Variants in STN1 observed in about 807,000 individuals in gnomAD.
STN1 encodes STN1 subunit of CST complex, also known as CST complex subunit STN1.
Under a neutral mutation model 45.5 loss-of-function variants are expected in STN1, and 29 were observed. The observed-to-expected ratio is 0.64, with a 90% CI of 0.47 to 0.87. The LOEUF (loss-of-function observed/expected upper bound fraction) is 0.87, where lower values mean the gene tolerates loss of function less well. STN1 is among the 40% of genes least tolerant of loss of function. The pLI is 0.00. For missense variants in STN1, 376 were observed against 441.4 expected, an observed-to-expected ratio of 0.85 and a Z score of 1.33; for synonymous variants, 148 against 159.0, an observed-to-expected ratio of 0.93 and a Z score of 0.52.
In STN1 at chr10:103,881,183, T is replaced by C. The variant is rs534069772; in HGVS notation, c.*1501A>G. Among the ~76,000 whole-genome samples, 98 of 152,358 alleles carry C rather than the reference T, an allele frequency of 6.4e-4. No homozygotes were observed. The highest frequency in any genetic ancestry group is 3.3e-3 in the South Asian group (16 of 4,832). On this transcript the variant is annotated 3_prime_UTR_variant, in exon 10 of 10. Coordinates refer to ENST00000224950, the MANE Select transcript of STN1 (RefSeq NM_024928.5). ...TTCCCCAATATAGAATTCTAGATTATACAGCAATGAACACCTTGTGCAACC... is the reference window on the plus strand; with the variant it reads ...TTCCCCAATATAGAATTCTAGATTACACAGCAATGAACACCTTGTGCAACC...
chr10:103,910,251 C>T (rs1843280866), intron 3 of STN1, among the ~76,000 whole-genome samples: 1 of 152,184 alleles, frequency 6.6e-6, no homozygotes, highest in East Asian at 1.9e-4. Flanking sequence ...CCCTGCCCGT[C>T]CATCGATGCT....
intron 2 of STN1, among the ~76,000 whole-genome samples, chr10:103,911,853 C>G (rs1843293984): frequency 6.6e-6 from 1 of 152,160 alleles, no homozygotes; most frequent in South Asian, 2.1e-4. Flanking sequence ...GCTGATGGCT[C>G]TGTTTCCCTT....
chr10:103,885,605 A>G (rs1168313927), intron 9 of STN1, among the ~76,000 whole-genome samples: 1 of 152,108 alleles, frequency 6.6e-6, no homozygotes, highest in Non-Finnish European at 1.5e-5. Context: ...GGGTCTTGCT[A>G]TGTTGCCCAG....
At chr10:103,897,290 C>A (rs893199576) in intron 7 of STN1, among the ~76,000 whole-genome samples, 4 of 149,126 alleles carry the variant, frequency 2.7e-5, no homozygotes, top group Non-Finnish European at 4.4e-5. Flanking sequence ...CCAGCCTGGG[C>A]GACAGAGTGA....
At chr10:103,905,807 T>G (rs535001503) in intron 3 of STN1, among the ~76,000 whole-genome samples, 1 of 152,296 alleles carries the variant, frequency 6.6e-6, no homozygotes, top group South Asian at 2.1e-4. Flanking sequence ...ACAAAAACAG[T>G]ACTAGTCTGG....
chr10:103,888,124 C>A (rs925042249), intron 9 of STN1, among the ~76,000 whole-genome samples: 1 of 152,210 alleles, frequency 6.6e-6, no homozygotes, highest in Non-Finnish European at 1.5e-5. Flanking sequence ...TCACACCACT[C>A]TGGGATCCGA....
chr10:103,912,948 T>C (rs1278445038), intron 2 of STN1, among the ~76,000 whole-genome samples: 1 of 152,218 alleles, frequency 6.6e-6, no homozygotes, highest in Admixed American at 6.5e-5. Context: ...CAGAGCTGTT[T>C]GGACCCACAG....
chr10:103,912,990 C>T (rs1170028576), intron 2 of STN1, among the ~76,000 whole-genome samples: 1 of 152,206 alleles, frequency 6.6e-6, no homozygotes, highest in Non-Finnish European at 1.5e-5. Context: ...AAATGTCTTT[C>T]CAGTTGGTTG....
intron 3 of STN1, among the ~76,000 whole-genome samples, chr10:103,909,436 A>ATATATGTATATATATATG (rs1564635041): frequency 4.0e-5 from 2 of 49,844 alleles, no homozygotes; most frequent in East Asian, 8.6e-4. Context: ...ATATATATGT[A>ATATATGTATATATATATG]TATATATGTA....
intron 2 of STN1, among the ~76,000 whole-genome samples, chr10:103,914,366 A>ATTTT (rs1437836812): frequency 6.8e-4 from 7 of 10,370 alleles, no homozygotes; most frequent in African/African-American, 1.6e-3. Context: ...ATATATATAT[A>ATTTT]TATATATATT....
At position 103,891,344 on chromosome 10, in the gene STN1, G is replaced by A. The variant is rs1476724186; in HGVS notation, c.876+786C>T. ...GATTTATAACTACTAATGTGGAAAG[G>A]TGCCTGTCATGTGTTATCTTGGTAC... On this transcript the variant is annotated intron_variant, in intron 8 of 9. Coordinates refer to ENST00000224950, the MANE Select transcript of STN1 (RefSeq NM_024928.5). Among the ~76,000 whole-genome samples the A allele has an allele frequency of 5.3e-5, 8 of 152,286 alleles. No homozygotes were observed. The East Asian group carries it at 5.8e-4, about 11-fold the overall frequency.
In STN1 at chr10:103,900,182, G is replaced by C; in HGVS notation, c.337C>G (p.Leu113Val). 1 of 1,614,160 alleles carries C rather than the reference G, an allele frequency of 6.2e-7. No homozygotes were observed. Among genetic ancestry groups the C allele is most frequent in the African/African-American group, 1.3e-5 (1 of 75,046 alleles). ...AARELSLTSQ[L>V]KKLQETIEQK... Reference sequence around the variant, plus strand: ...TCAATGGTCTCTTGTAGCTTCTTAAGTTGTGAGGTTAAGCTGAGCTCTCTT... The same window carrying C: ...TCAATGGTCTCTTGTAGCTTCTTAACTTGTGAGGTTAAGCTGAGCTCTCTT... Residue 113 changes from leucine (L) to valine (V), a missense_variant, in exon 5 of 10, where the codon CTT becomes GTT. Physicochemically the swap from Leu to Val is conservative, Grantham distance 32. Transcript: ENST00000224950.
intron 2 of STN1, 22 bp downstream of exon 2, chr10:103,917,440 C>T (rs201269941): frequency 2.2e-4 from 360 of 1,609,142 alleles, no homozygotes; most frequent in Middle Eastern, 1.8e-4. Context: ...CCCAGGGCAT[C>T]CCAGGGTGGC....
intron 5 of STN1, among the ~76,000 whole-genome samples, chr10:103,899,543 T>A (rs1408969135): frequency 2.0e-5 from 3 of 151,726 alleles, no homozygotes; most frequent in Non-Finnish European, 2.9e-5. Flanking sequence ...AAAAATTAGC[T>A]GGGTGTGGTG....
In STN1 at chr10:103,878,315, A is replaced by G. The variant is rs1171679079; in HGVS notation, c.*4369T>C. On this transcript the variant is annotated 3_prime_UTR_variant, in exon 10 of 10. Coordinates refer to ENST00000224950, the MANE Select transcript of STN1 (RefSeq NM_024928.5). ...CAGGGGAACCCTCTGGCTGGTCTTC[A>G]GTACATGAGCAGTGACCCAGCTGTG... 2 of 152,202 alleles carry G rather than the reference A, an allele frequency of 1.3e-5. No individual in the cohort carries two copies. The highest frequency in any genetic ancestry group is 4.8e-5 in the African/African-American group (2 of 41,448). 9.4% of individuals were successfully genotyped at this position (152,202 alleles called of 1,614,324 possible).
intron 5 of STN1, among the ~76,000 whole-genome samples, chr10:103,899,257 C>T (rs1041180423): frequency 5.3e-5 from 8 of 152,234 alleles, no homozygotes; most frequent in Non-Finnish European, 1.0e-4. Flanking sequence ...TGTATTGATT[C>T]GTCTGCTCCT....
Position 103,877,624 on chromosome 10 carries a change from A to G in STN1, c.*5060T>C, listed in dbSNP as rs1843039430. On this transcript the variant is annotated 3_prime_UTR_variant, in exon 10 of 10. Transcript: ENST00000224950. The stretch of plus-strand genomic sequence containing the variant: ...AATACAGTAGAGGTTAACAGATGAT[A>G]GTGCAAGTTCAATAGAAGTAGGGTG... The G allele has an allele frequency of 6.6e-6, 1 of 152,234 alleles. No individual in the cohort carries two copies. The highest frequency in any genetic ancestry group is 2.4e-5 in the African/African-American group (1 of 41,464). The allele number at this position is 152,234 out of a possible 1,614,324, so 9.4% of individuals were successfully genotyped here.
chr10:103,890,897 G>A (rs982129429), intron 8 of STN1, among the ~76,000 whole-genome samples: 6 of 152,126 alleles, frequency 3.9e-5, no homozygotes, highest in Non-Finnish European at 7.3e-5. Context: ...TGCACATAAC[G>A]GAGTCCACAC....
At chr10:103,906,757 T>C (rs1187539524) in intron 3 of STN1, among the ~76,000 whole-genome samples, 1 of 152,162 alleles carries the variant, frequency 6.6e-6, no homozygotes, top group Non-Finnish European at 1.5e-5. Context: ...ATGCGATTCA[T>C]GGAAGATCTA....
Sources: gnomAD v4.1 joint callset for allele counts (sites outside exome capture counted in the v4.1 genomes callset) on GRCh38, gnomAD v4.1.1 for gene constraint, MANE v1.5 for transcripts, NCBI Gene and HGNC (gene_info 2026-07-23, HGNC 2026-07-21) for gene names.